TMEM135: variants seen among roughly 807,000 people sequenced by gnomAD.
TMEM135 encodes transmembrane protein 135.
TMEM135 carries 30 observed loss-of-function variants against 60.3 expected under a neutral mutation model. The ratio of observed to expected loss-of-function variants is 0.50; its 90% CI spans 0.37 to 0.68. The LOEUF is 0.68. Among genes scored for constraint, TMEM135 ranks in the 30% least tolerant of loss-of-function variants. The pLI is 0.00. For synonymous variants in TMEM135, 190 were observed against 186.7 expected (o/e 1.02, Z -0.14); for missense variants, 468 against 548.8 (o/e 0.85, Z 1.47).
intron 5 of TMEM135, among the ~76,000 whole-genome samples, chr11:87,163,635 C>G (rs1250389543): frequency 6.6e-6 from 1 of 151,932 alleles, no homozygotes; most frequent in East Asian, 1.9e-4. Flanking sequence ...AATGGTTGAA[C>G]TAATTTACAG....
chr11:87,165,955 C>T lies in TMEM135; in HGVS notation c.462+8549C>T, dbSNP rs1159761966. ...TACAAACTACCATCAGAGAATACTA[C>T]AAACACCTCTACGCGAATGAACTAG... On this transcript the variant is annotated intron_variant, in intron 5 of 14. Transcript: ENST00000305494. Among the ~76,000 whole-genome samples the T allele has an allele frequency of 3.3e-5, 5 of 150,488 alleles. 1 individual carries two copies. The highest frequency in any genetic ancestry group is 1.2e-4 in the African/African-American group (5 of 40,394).
At chr11:87,256,954 G>T (rs1373440315) in intron 6 of TMEM135, among the ~76,000 whole-genome samples, 1 of 151,830 alleles carries the variant, frequency 6.6e-6, no homozygotes, top group Non-Finnish European at 1.5e-5. Flanking sequence ...GTGTATATAT[G>T]TCTTTCAGCT....
At chr11:87,117,150 C>A (rs1469267065) in intron 4 of TMEM135, among the ~76,000 whole-genome samples, 6 of 152,038 alleles carry the variant, frequency 3.9e-5, no homozygotes, top group African/African-American at 1.4e-4. Context: ...AAAGTACACA[C>A]ATTAATTAAA....
At chr11:87,112,005 T>C (rs976792755) in intron 4 of TMEM135, among the ~76,000 whole-genome samples, 3 of 152,200 alleles carry the variant, frequency 2.0e-5, no homozygotes, top group African/African-American at 7.2e-5. Flanking sequence ...GATGACCTTC[T>C]AGAACTTGAG....
At chr11:87,137,251 C>T (rs940259333) in intron 4 of TMEM135, among the ~76,000 whole-genome samples, 1 of 142,372 alleles carries the variant, frequency 7.0e-6, no homozygotes, top group African/African-American at 2.6e-5. Flanking sequence ...ATCTCTGGCA[C>T]TCTATGCCTA....
chr11:87,251,535 C>T (rs1941415925), intron 6 of TMEM135, among the ~76,000 whole-genome samples: 1 of 152,076 alleles, frequency 6.6e-6, no homozygotes, highest in Non-Finnish European at 1.5e-5. Flanking sequence ...TTGAATACGA[C>T]ACATTGTCTT....
Position 87,327,047 on chromosome 11 carries a change from C to A in TMEM135, c.*5714C>A. The A allele has an allele frequency of 2.2e-6, 1 of 453,354 alleles. No homozygotes were observed. Among genetic ancestry groups the A allele is most frequent in the Non-Finnish European group, 4.4e-6 (1 of 226,708 alleles). 28.1% of individuals were successfully genotyped at this position (453,354 alleles called of 1,614,324 possible). A position where few individuals can be genotyped will look rare whatever the true frequency, so the allele number is the denominator to read the frequency against. ...GAGGGAACACTGATGTTGTTTAAGA[C>A]AGTTACATGCCTAGCCCCAGGGATG... On this transcript the variant is annotated 3_prime_UTR_variant, in exon 15 of 15. Transcript: ENST00000305494.
chr11:87,182,997 G>T (rs2135305385), intron 5 of TMEM135, among the ~76,000 whole-genome samples: 1 of 152,076 alleles, frequency 6.6e-6, no homozygotes, highest in East Asian at 1.9e-4. Context: ...AATTCCAGGA[G>T]AACATGTTTC....
chr11:87,236,803 C>G, intron 6 of TMEM135, 119 bp downstream of exon 6: 1 of 918,924 alleles, frequency 1.1e-6, no homozygotes, highest in South Asian at 1.4e-5. Flanking sequence ...CATACTCCCC[C>G]CGCACCCCCG....
At chr11:87,166,151 G>T (rs1432914465) in intron 5 of TMEM135, among the ~76,000 whole-genome samples, 1 of 151,470 alleles carries the variant, frequency 6.6e-6, no homozygotes, top group Non-Finnish European at 1.5e-5. Context: ...ATGTCCTTTG[G>T]CCACTTTTTG....
intron 7 of TMEM135, among the ~76,000 whole-genome samples, chr11:87,301,418 T>C (rs2135439384): frequency 6.6e-6 from 1 of 152,230 alleles, no homozygotes; most frequent in Non-Finnish European, 1.5e-5. Context: ...CATGCCCAGC[T>C]GATTTTTAAT....
chr11:87,256,985 T>C (rs1941539625), intron 6 of TMEM135, among the ~76,000 whole-genome samples: 1 of 152,180 alleles, frequency 6.6e-6, no homozygotes, highest in South Asian at 2.1e-4. Flanking sequence ...GATTATATTA[T>C]GTAGGCTATA....
intron 4 of TMEM135, among the ~76,000 whole-genome samples, chr11:87,131,167 G>T (rs2135231727): frequency 6.6e-6 from 1 of 152,130 alleles, no homozygotes; most frequent in African/African-American, 2.4e-5. Context: ...TTGCATTAAT[G>T]CATTACATTT....
At chr11:87,048,032 G>A (rs1351848159) in intron 1 of TMEM135, among the ~76,000 whole-genome samples, 1 of 67,026 alleles carries the variant, frequency 1.5e-5, no homozygotes, top group Non-Finnish European at 2.5e-5. Context: ...GCCTAACTGG[G>A]AGGCACCCCC....
chr11:87,322,303 A>G lies in TMEM135; in HGVS notation c.*970A>G, dbSNP rs1342873644. On this transcript the variant is annotated 3_prime_UTR_variant, in exon 15 of 15. Transcript: ENST00000305494. ...CTCAGCTGTTTAACTTATGTAATGG[A>G]TGTTTTGCACCTGAAAACACTATAA... 3 of 453,908 alleles carry G rather than the reference A, an allele frequency of 6.6e-6. No homozygotes were observed. Among genetic ancestry groups the G allele is most frequent in the African/African-American group, 6.0e-5 (3 of 49,966 alleles). 28.1% of individuals were successfully genotyped at this position (453,908 alleles called of 1,614,324 possible).
At chr11:87,295,751 A>C in intron 6 of TMEM135, 31 bp from the exon 7 acceptor site, 1 of 1,571,942 alleles carries the variant, frequency 6.4e-7, no homozygotes, top group South Asian at 1.2e-5. Flanking sequence ...AAAATATGTT[A>C]TTTTATGATT....
chr11:87,190,335 G>C (rs1395459621), intron 5 of TMEM135, among the ~76,000 whole-genome samples: 1 of 152,204 alleles, frequency 6.6e-6, no homozygotes, highest in African/African-American at 2.4e-5. Context: ...GGTTAAAAGA[G>C]AAGTAGTGGT....
At chr11:87,175,250 C>A (rs745865918) in intron 5 of TMEM135, among the ~76,000 whole-genome samples, 1 of 152,144 alleles carries the variant, frequency 6.6e-6, no homozygotes, top group Non-Finnish European at 1.5e-5. Context: ...CATCATAAAA[C>A]ATTAAGCTTC....
intron 1 of TMEM135, among the ~76,000 whole-genome samples, chr11:87,046,559 A>T (rs1309081206): frequency 2.6e-5 from 4 of 152,204 alleles, no homozygotes; most frequent in African/African-American, 9.6e-5. Context: ...TTGCTTTGGG[A>T]CATACTGAGT....
Sources: gnomAD v4.1 joint callset for allele counts (sites outside exome capture counted in the v4.1 genomes callset) on GRCh38, gnomAD v4.1.1 for gene constraint, MANE v1.5 for transcripts, NCBI Gene and HGNC (gene_info 2026-07-23, HGNC 2026-07-21) for gene names.